The following TRPM6 variants were observed in gnomAD, a reference collection of about 807,000 sequenced individuals.
The protein encoded by TRPM6 is transient receptor potential cation channel subfamily M member 6, also known as channel kinase 2.
TRPM6 carries 111 observed loss-of-function variants against 247.6 expected under a neutral mutation model. The observed-to-expected ratio is 0.45, with a 90% CI of 0.38 to 0.52. The LOEUF is 0.52. Among genes scored for constraint, TRPM6 ranks in the 20% least tolerant of loss-of-function variants. The pLI is 0.00. For missense variants in TRPM6, 2,126 were observed against 2,421.5 expected (o/e 0.88, Z 2.56); for synonymous variants, 892 against 853.8 (o/e 1.04, Z -0.78).
At chr9:74,749,399 T>C (rs1318134467) in intron 30 of TRPM6, among the ~76,000 whole-genome samples, 2 of 152,200 alleles carry the variant, frequency 1.3e-5, no homozygotes, top group African/African-American at 4.8e-5. Flanking sequence ...GAAAAGCAGT[T>C]GTTGTTTTTT....
chr9:74,806,928 T>C (rs1159988687), intron 14 of TRPM6, among the ~76,000 whole-genome samples: 1 of 152,186 alleles, frequency 6.6e-6, no homozygotes, highest in Non-Finnish European at 1.5e-5. Flanking sequence ...GAAAGGGCAC[T>C]AAGGGAACTT....
At chr9:74,772,071 C>T (rs577994265) in intron 24 of TRPM6, among the ~76,000 whole-genome samples, 2 of 152,304 alleles carry the variant, frequency 1.3e-5, no homozygotes, top group South Asian at 2.1e-4. Flanking sequence ...GGGTGGATCG[C>T]TTGAGCTCAG....
In TRPM6 at chr9:74,724,426, G is replaced by T; in HGVS notation, c.*187C>A. On this transcript the variant is annotated 3_prime_UTR_variant, in exon 39 of 39. Coordinates refer to ENST00000360774, the MANE Select transcript of TRPM6 (RefSeq NM_017662.5). ...ATGGAGCTGCAAAGTGCCCTGGACA[G>T]AGGTCAGTGTCTAGGAGAACCCATT... 1.3e-6 allele frequency: 1 copy of T among 757,050 alleles called. No homozygotes were observed. The highest frequency in any genetic ancestry group is 2.2e-6 in the Non-Finnish European group (1 of 459,012). 46.9% of individuals were successfully genotyped at this position (757,050 alleles called of 1,614,324 possible).
chr9:74,755,553 T>C (rs1826404793), intron 27 of TRPM6, 80 bp from the exon 28 acceptor site: 6 of 1,559,274 alleles, frequency 3.8e-6, no homozygotes. Flanking sequence ...AGCACCATGG[T>C]GAAGGGCAGT....
At chr9:74,776,969 T>C (rs1827248002) in intron 23 of TRPM6, among the ~76,000 whole-genome samples, 1 of 152,140 alleles carries the variant, frequency 6.6e-6, no homozygotes, top group Non-Finnish European at 1.5e-5. Flanking sequence ...AACCCATAAC[T>C]TGAACAGTGA....
At chr9:74,829,754 G>A (rs1238934918) in intron 6 of TRPM6, among the ~76,000 whole-genome samples, 37 of 152,072 alleles carry the variant, frequency 2.4e-4, no homozygotes. Flanking sequence ...AAAAAGATAA[G>A]AAATAATATA....
Position 74,724,242 on chromosome 9 carries a change from T to C in TRPM6, c.*371A>G. The C allele has an allele frequency of 3.0e-6, 1 of 327,916 alleles. No individual in the cohort carries two copies. Among genetic ancestry groups the C allele is most frequent in the Non-Finnish European group, 5.9e-6 (1 of 170,204 alleles). The allele number at this position is 327,916 out of a possible 1,614,324, so 20.3% of individuals were successfully genotyped here. A position where few individuals can be genotyped will look rare whatever the true frequency, so the allele number is the denominator to read the frequency against. On this transcript the variant is annotated 3_prime_UTR_variant, in exon 39 of 39. Coordinates refer to ENST00000360774, the MANE Select transcript of TRPM6 (RefSeq NM_017662.5). The stretch of plus-strand genomic sequence containing the variant: ...ATAGTAGTAGGGGGTCCAGTCTGCA[T>C]ACATAGTGAGAAAATAAAATAAATG...
intron 3 of TRPM6, among the ~76,000 whole-genome samples, chr9:74,853,213 G>A (rs532337950): frequency 6.6e-6 from 1 of 151,186 alleles, no homozygotes; most frequent in African/African-American, 2.4e-5. Flanking sequence ...CCCTCCGCCC[G>A]GCAGCCGCCC....
chr9:74,735,319 T>G (rs1275819331), intron 36 of TRPM6, among the ~76,000 whole-genome samples: 1 of 151,974 alleles, frequency 6.6e-6, no homozygotes, highest in African/African-American at 2.4e-5. Context: ...CAAGTACCAA[T>G]CTGACTTCAA....
intron 1 of TRPM6, among the ~76,000 whole-genome samples, chr9:74,862,177 C>A (rs1023359493): frequency 7.2e-5 from 11 of 151,884 alleles, no homozygotes; most frequent in African/African-American, 2.4e-4. Context: ...ACTTCCCACC[C>A]TGCCAACCTC....
At chr9:74,758,685 T>C (rs757443124) in intron 27 of TRPM6, among the ~76,000 whole-genome samples, 7 of 152,150 alleles carry the variant, frequency 4.6e-5, no homozygotes, top group Non-Finnish European at 8.8e-5. Flanking sequence ...TCATTCTTAA[T>C]GGTAAAGGAT....
At position 74,830,743 on chromosome 9, in the gene TRPM6, A is replaced by ATT. The variant is rs1564034405; in HGVS notation, c.670-2796_670-2795dup. 1.1e-4 allele frequency among the ~76,000 whole-genome samples: 12 copies of ATT among 106,240 alleles called. 1 individual carries two copies. Among genetic ancestry groups the ATT allele is most frequent in the African/African-American group, 3.7e-4 (10 of 27,142 alleles). 69.7% of individuals were successfully genotyped at this position (106,240 alleles called of 152,430 possible). A position where few individuals can be genotyped will look rare whatever the true frequency, so the allele number is the denominator to read the frequency against. On this transcript the variant is annotated intron_variant, in intron 6 of 38. Coordinates refer to ENST00000360774, the MANE Select transcript of TRPM6 (RefSeq NM_017662.5). Reference sequence around the variant, plus strand: ...AGGCGTGCACCACCATGCCCAGCTAATTTTTGTTTTTTTTTTTTTTTTTTT... The same window carrying ATT: ...AGGCGTGCACCACCATGCCCAGCTAATTTTTTTGTTTTTTTTTTTTTTTTTTT...
At chr9:74,785,583 C>T (rs1250575704) in intron 21 of TRPM6, among the ~76,000 whole-genome samples, 8 of 152,092 alleles carry the variant, frequency 5.3e-5, no homozygotes, top group South Asian at 4.2e-4. Context: ...AGTGCAGTGG[C>T]GCAATCTCGG....
chr9:74,724,563 G>A lies in TRPM6; in HGVS notation c.*50C>T. The A allele has an allele frequency of 1.2e-6, 2 of 1,613,404 alleles. No homozygotes were observed. Among genetic ancestry groups the A allele is most frequent in the East Asian group, 2.2e-5 (1 of 44,876 alleles). ...ACGTTGATCAATCTATGTTATCACAGAGTTCCTGGCAGGCAGGGCAAGCAC... is the reference window on the plus strand; with the variant it reads ...ACGTTGATCAATCTATGTTATCACAAAGTTCCTGGCAGGCAGGGCAAGCAC... On this transcript the variant is annotated 3_prime_UTR_variant, in exon 39 of 39. Transcript: ENST00000360774.
rs1387546434 is a variant in TRPM6, at chr9:74,744,133, G to A, written c.5096C>T (p.Ser1699Phe). The change falls in exon 32 of 39, where the codon TCC (serine) becomes TTC (phenylalanine). Residue 1699 changes from serine to phenylalanine, a missense_variant. By Grantham distance (155) the Ser-to-Phe change is radical. Around this residue, in one of 3 missense-constraint regions of TRPM6, gnomAD observed 327 missense variants for 397.7 expected, o/e 0.82. Transcript: ENST00000360774. Reference sequence around the variant, plus strand: ...GTGAGGCTCTTGAGGGCTTTTTAAGGAGGCTGAGATCTCTGAAATTAGAGA... The same window carrying A: ...GTGAGGCTCTTGAGGGCTTTTTAAGAAGGCTGAGATCTCTGAAATTAGAGA... Reference protein sequence around the residue: ...SSIGVDKISASLKSPQEPHHH... With the variant: ...SSIGVDKISAFLKSPQEPHHH... 24 of 1,614,034 alleles carry A rather than the reference G, an allele frequency of 1.5e-5. No homozygotes were observed. The highest frequency in any genetic ancestry group is 1.9e-5 in the Non-Finnish European group (22 of 1,179,946).
rs1417411869 is a variant in TRPM6, at chr9:74,858,686, G to A, written c.96C>T (p.Ser32=). 3.1e-6 allele frequency: 5 copies of A among 1,611,992 alleles called. No individual in the cohort carries two copies. The East Asian group carries it at 1.1e-4, about 36-fold the overall frequency. Residue 32 remains serine, a synonymous_variant, in exon 2 of 39, where the codon AGC becomes AGT. Coordinates refer to ENST00000360774, the MANE Select transcript of TRPM6 (RefSeq NM_017662.5). ...AATTTTACCTGTGAGGATTTTTTGA[G>A]CTGGGTATGATTGTGCTACATTCTC... ...DKRECSTIIP[S]SKNPHRCTPV...
chr9:74,736,370 G>T (rs1825693374), intron 36 of TRPM6, among the ~76,000 whole-genome samples: 1 of 152,038 alleles, frequency 6.6e-6, no homozygotes, highest in South Asian at 2.1e-4. Flanking sequence ...CAGACAATGT[G>T]CATTATCTCT....
At chr9:74,779,473 A>T (rs114588355) in intron 23 of TRPM6, among the ~76,000 whole-genome samples, 4,460 of 152,138 alleles carry the variant, frequency 0.029, 191 homozygotes, top group African/African-American at 0.093. Flanking sequence ...CTTTTTTTTT[A>T]AAAGAATTTT....
chr9:74,733,515 T>C (rs1177149996), intron 36 of TRPM6, among the ~76,000 whole-genome samples: 1 of 152,208 alleles, frequency 6.6e-6, no homozygotes, highest in Non-Finnish European at 1.5e-5. Flanking sequence ...TTTCTGTAAT[T>C]CTCAGCAATT....
Sources: allele counts gnomAD v4.1 joint callset (sites outside exome capture counted in the v4.1 genomes callset), GRCh38; gene constraint gnomAD v4.1.1; regional missense constraint gnomAD v4.1.1; transcripts MANE v1.5; gene names NCBI Gene and HGNC (gene_info 2026-07-23, HGNC 2026-07-21).